The following ZNF566 variants were observed in gnomAD, a reference collection of about 807,000 sequenced individuals.
ZNF566 encodes zinc finger protein 566.
In ZNF566, 27 loss-of-function variants were observed where a neutral mutation model predicts 32.8. That is an observed-to-expected ratio of 0.82 (90% confidence interval 0.61 to 1.14). ZNF566 has a LOEUF of 1.14. Ranked by LOEUF, ZNF566 falls within the 50% of genes most tolerant of loss-of-function variation. The pLI is 0.00. For synonymous variants in ZNF566, 154 were observed against 159.5 expected, an observed-to-expected ratio of 0.97 and a Z score of 0.26; for missense variants, 402 against 490.4, an observed-to-expected ratio of 0.82 and a Z score of 1.70.
chr19:36,476,528 C>T (rs750408064), intron 2 of ZNF566, 21 bp downstream of exon 2: 2 of 1,608,930 alleles, frequency 1.2e-6, no homozygotes, highest in Admixed American at 1.7e-5. Context: ...TCTATCTGAG[C>T]AAAAGGAAAC....
intron 4 of ZNF566, among the ~76,000 whole-genome samples, chr19:36,454,419 G>T (rs939711712): frequency 1.3e-5 from 2 of 152,074 alleles, no homozygotes; most frequent in Admixed American, 1.3e-4. Context: ...TCGGCAGAGG[G>T]GTGCATGACT....
chr19:36,480,564 C>T lies in ZNF566; in HGVS notation c.-59-3948G>A, dbSNP rs147005587. ...CCTCCCAAAGTGCTGGGATTACAGG[C>T]GTGAGCCACCTTGCCCAGCCTCCAT... On this transcript the variant is annotated intron_variant, in intron 1 of 4. Coordinates refer to ENST00000452939, the MANE Select transcript of ZNF566 (RefSeq NM_001145344.1). Among the ~76,000 whole-genome samples, 246 of 148,314 alleles carry T rather than the reference C, an allele frequency of 1.7e-3. 1 individual carries two copies. The highest frequency in any genetic ancestry group is 5.8e-3 in the African/African-American group (234 of 40,354).
chr19:36,469,726 CTG>C (rs1225395820), intron 4 of ZNF566, among the ~76,000 whole-genome samples: 8 of 152,216 alleles, frequency 5.3e-5, no homozygotes, highest in Non-Finnish European at 8.8e-5. Flanking sequence ...CTACCAAACA[CTG>C]TGAGTGTCTG....
chr19:36,476,337 C>T, intron 2 of ZNF566: 1 of 364,994 alleles, frequency 2.7e-6, no homozygotes, highest in Non-Finnish European at 4.9e-6. Context: ...AATTTTCTAA[C>T]AATGATTATG....
rs867501714 is a variant in ZNF566, at chr19:36,476,564, G to A, written c.-7C>T. On this transcript the variant is annotated 5_prime_UTR_variant, in exon 2 of 5. Transcript: ENST00000452939. ...AGTATCTCACCTGAGCCATGGCTCT[G>A]ATATTTGTAGAAAAGGACCTTCTCT... 1 of 1,613,602 alleles carries A rather than the reference G, an allele frequency of 6.2e-7. No individual in the cohort carries two copies.
chr19:36,457,987 A>C (rs1436513006), intron 4 of ZNF566, among the ~76,000 whole-genome samples: 2 of 152,210 alleles, frequency 1.3e-5, no homozygotes, highest in Non-Finnish European at 2.9e-5. Context: ...AGGATGTGGC[A>C]AAAAGGGAAT....
At chr19:36,477,098 C>T (rs991405427) in intron 1 of ZNF566, among the ~76,000 whole-genome samples, 3 of 152,006 alleles carry the variant, frequency 2.0e-5, no homozygotes, top group African/African-American at 4.8e-5. Context: ...GCAACCTCCG[C>T]GTCCTGGGTT....
rs2033085762 is a variant in ZNF566 at position 36,449,470 on chromosome 19, T to C, written c.764A>G (p.Tyr255Cys). 1 of 1,613,998 alleles carries C rather than the reference T, an allele frequency of 6.2e-7. No individual in the cohort carries two copies. The highest frequency in any genetic ancestry group is 8.5e-7 in the Non-Finnish European group (1 of 1,180,006). Reference sequence around the variant, plus strand: ...GGCTTTCCCACATTCCTTACATTCATAGGGTTTCTCACCAGTGTGAATTCT... The same window carrying C: ...GGCTTTCCCACATTCCTTACATTCACAGGGTTTCTCACCAGTGTGAATTCT... ...HHRIHTGEKP[Y>C]ECKECGKAFS... The change falls in exon 5 of 5, where the codon TAT (tyrosine) becomes TGT (cysteine). Residue 255 changes from tyrosine to cysteine, a missense_variant. Physicochemically the swap from Tyr to Cys is radical, Grantham distance 194 (BLOSUM62 -2). Coordinates refer to ENST00000452939, the MANE Select transcript of ZNF566 (RefSeq NM_001145344.1).
At position 36,487,923 on chromosome 19, in the gene ZNF566, A is replaced by T. The variant is rs904602471; in HGVS notation, c.-60+1563T>A. On this transcript the variant is annotated intron_variant, in intron 1 of 4. Transcript: ENST00000452939. ...AAAAAAAAAAAAAAAAAAAAAAAAA[A>T]GAATGGGTAAAACTAGTTAATGATA... Among the ~76,000 whole-genome samples, 289 of 130,474 alleles carry T rather than the reference A, an allele frequency of 2.2e-3. 3 individuals are homozygous for T. Among genetic ancestry groups the T allele is most frequent in the African/African-American group, 7.7e-3 (281 of 36,408 alleles). 85.6% of individuals were successfully genotyped at this position (130,474 alleles called of 152,430 possible). A position where few individuals can be genotyped will look rare whatever the true frequency, so the allele number is the denominator to read the frequency against.
chr19:36,453,394 A>G (rs2033213473), intron 4 of ZNF566, among the ~76,000 whole-genome samples: 1 of 150,876 alleles, frequency 6.6e-6, no homozygotes, highest in Non-Finnish European at 1.5e-5. Context: ...AATCACTTGA[A>G]CCCAGGAGGC....
At chr19:36,450,094 T>G in intron 4 of ZNF566, 93 bp from the exon 5 acceptor site, 1 of 1,032,802 alleles carries the variant, frequency 9.7e-7, no homozygotes, top group Non-Finnish European at 1.4e-6. Flanking sequence ...CGAATTTTTT[T>G]TACAAATGGA....
intron 1 of ZNF566, among the ~76,000 whole-genome samples, chr19:36,483,257 A>C (rs1321299209): frequency 6.6e-6 from 1 of 152,234 alleles, no homozygotes; most frequent in Non-Finnish European, 1.5e-5. Flanking sequence ...TGTTTTTAAC[A>C]TATAAACAAA....
At position 36,476,571 on chromosome 19, in the gene ZNF566, G is replaced by C. The variant is rs746426264; in HGVS notation, c.-14C>G. ...CACCTGAGCCATGGCTCTGATATTTGTAGAAAAGGACCTTCTCTTGGCTCT... is the reference window on the plus strand; with the variant it reads ...CACCTGAGCCATGGCTCTGATATTTCTAGAAAAGGACCTTCTCTTGGCTCT... On this transcript the variant is annotated 5_prime_UTR_variant, in exon 2 of 5. Transcript: ENST00000452939. The C allele has an allele frequency of 6.2e-7, 1 of 1,613,552 alleles. No homozygotes were observed. Among genetic ancestry groups the C allele is most frequent in the South Asian group, 1.1e-5 (1 of 90,900 alleles).
chr19:36,471,838 G>A (rs941788627), intron 4 of ZNF566, among the ~76,000 whole-genome samples: 1 of 151,976 alleles, frequency 6.6e-6, no homozygotes, highest in African/African-American at 2.4e-5. Context: ...CACCTCCTGG[G>A]TACAAGTGAT....
At chr19:36,464,767 T>TA (rs967895160) in intron 4 of ZNF566, among the ~76,000 whole-genome samples, 8 of 149,950 alleles carry the variant, frequency 5.3e-5, no homozygotes, top group African/African-American at 1.7e-4. Flanking sequence ...TTTTCTGTCT[T>TA]AAAAAAAAAA....
chr19:36,485,914 C>T (rs769712045), intron 1 of ZNF566, among the ~76,000 whole-genome samples: 2 of 146,484 alleles, frequency 1.4e-5, no homozygotes, highest in Non-Finnish European at 3.0e-5. Context: ...ATTAGCTGGG[C>T]GTGGTGGTGC....
At position 36,449,724 on chromosome 19, in the gene ZNF566, G is replaced by A. The variant is rs767143946; in HGVS notation, c.510C>T (p.Phe170=). Residue 170 remains phenylalanine (F), a synonymous_variant, in exon 5 of 5, where the codon TTC becomes TTT. Transcript: ENST00000452939. ...LQQIINSKKK[F]CASKEYRKTF... is the part of the protein sequence containing the mutation. ...TTTTCCTATATTCTTTAGATGCACA[G>A]AATTTCTTTTTACTGTTAATGATTT... 1 of 1,614,102 alleles carries A rather than the reference G, an allele frequency of 6.2e-7. No individual in the cohort carries two copies. Among genetic ancestry groups the A allele is most frequent in the Non-Finnish European group, 8.5e-7 (1 of 1,180,012 alleles).
At position 36,448,396 on chromosome 19, in the gene ZNF566, A is replaced by C. The variant is rs946001973; in HGVS notation, c.*581T>G. On this transcript the variant is annotated 3_prime_UTR_variant, in exon 5 of 5. Coordinates refer to ENST00000452939, the MANE Select transcript of ZNF566 (RefSeq NM_001145344.1). ...CAAAACACCATGAAGATAATGAAGA[A>C]TCTCTATTGAGTAAAATGTCGTTCA... 3 of 152,166 alleles carry C rather than the reference A, an allele frequency of 2.0e-5. No homozygotes were observed. Among genetic ancestry groups the C allele is most frequent in the Non-Finnish European group, 2.9e-5 (2 of 68,010 alleles). The allele number at this position is 152,166 out of a possible 1,614,324, so 9.4% of individuals were successfully genotyped here.
intron 1 of ZNF566, among the ~76,000 whole-genome samples, chr19:36,481,112 T>C (rs573450222): frequency 1.3e-5 from 2 of 152,076 alleles, no homozygotes; most frequent in African/African-American, 4.8e-5. Context: ...GGGAAAGACA[T>C]AAACAGGCAA....
Sources: gnomAD v4.1 joint callset for allele counts (sites outside exome capture counted in the v4.1 genomes callset) on GRCh38, gnomAD v4.1.1 for gene constraint, MANE v1.5 for transcripts, NCBI Gene and HGNC (gene_info 2026-07-23, HGNC 2026-07-21) for gene names.